MGAT4C: variants seen among roughly 807,000 people sequenced by gnomAD.
MGAT4C encodes the protein alpha-1,3-mannosyl-glycoprotein 4-beta-N-acetylglucosaminyltransferase C.
MGAT4C carries 19 observed loss-of-function variants against 40.1 expected under a neutral mutation model. That is an observed-to-expected ratio of 0.47 (90% CI 0.33 to 0.70). The LOEUF is 0.70. MGAT4C is among the 30% of genes least tolerant of loss of function. MGAT4C has a pLI of 0.02. For synonymous variants in MGAT4C, 181 were observed against 187.1 expected (o/e 0.97, Z 0.27); for missense variants, 491 against 563.2 (o/e 0.87, Z 1.30).
chr12:86,458,016 T>A (rs1300525303), intron 2 of MGAT4C, among the ~76,000 whole-genome samples: 1 of 152,034 alleles, frequency 6.6e-6, no homozygotes, highest in Non-Finnish European at 1.5e-5. Context: ...AATTAAAACT[T>A]TTTTGTCAAT....
chr12:86,022,527 C>T (rs1334064145), intron 2 of MGAT4C: 5 of 152,054 alleles, frequency 3.3e-5, no homozygotes, highest in East Asian at 1.9e-4. Context: ...GCCTGGGCAA[C>T]GTAGTGAGAA....
chr12:86,004,621 C>A (rs1003238493), intron 2 of MGAT4C, among the ~76,000 whole-genome samples: 5 of 151,898 alleles, frequency 3.3e-5, no homozygotes, highest in African/African-American at 1.2e-4. Flanking sequence ...AATTTCTAAC[C>A]CAAGAGCAAG....
In MGAT4C at chr12:85,964,319, C is replaced by G. The variant is rs530761688; in HGVS notation, c.*14970G>C. 1 of 151,994 alleles carries G rather than the reference C, an allele frequency of 6.6e-6. No individual in the cohort carries two copies. The highest frequency in any genetic ancestry group is 2.1e-4 in the South Asian group (1 of 4,814). 9.4% of individuals were successfully genotyped at this position (151,994 alleles called of 1,614,324 possible). A position where few individuals can be genotyped will look rare whatever the true frequency, so the allele number is the denominator to read the frequency against. The stretch of plus-strand genomic sequence containing the variant: ...TTCTTTATTTTGCAAAAATGTAAGA[C>G]AAATGTATAGGATATTTTTCTCTGT... On this transcript the variant is annotated 3_prime_UTR_variant, in exon 5 of 5. Coordinates refer to ENST00000611864, the MANE Select transcript of MGAT4C (RefSeq NM_001351288.2).
At chr12:86,564,482 T>C (rs1406950329) in intron 2 of MGAT4C, among the ~76,000 whole-genome samples, 5 of 152,164 alleles carry the variant, frequency 3.3e-5, no homozygotes, top group Non-Finnish European at 5.9e-5. Flanking sequence ...GTCCATTACA[T>C]TGATGGCATT....
chr12:86,164,617 T>C (rs530480356), intron 1 of MGAT4C, among the ~76,000 whole-genome samples: 1 of 152,312 alleles, frequency 6.6e-6, no homozygotes, highest in African/African-American at 2.4e-5. Flanking sequence ...GGATGGTTTC[T>C]CTGAATAAGT....
intron 1 of MGAT4C, among the ~76,000 whole-genome samples, chr12:86,213,942 A>C (rs554116414): frequency 1.3e-5 from 2 of 152,334 alleles, no homozygotes; most frequent in East Asian, 3.9e-4. Flanking sequence ...TATGCCCATA[A>C]GACTTATTCC....
At chr12:86,819,179 A>G (rs569130526) in intron 1 of MGAT4C, among the ~76,000 whole-genome samples, 3 of 151,142 alleles carry the variant, frequency 2.0e-5, no homozygotes, top group South Asian at 2.1e-4. Context: ...GAAAGAAGTC[A>G]ATTATTATAT....
chr12:86,781,712 T>C (rs1459164851), intron 1 of MGAT4C, among the ~76,000 whole-genome samples: 1 of 152,164 alleles, frequency 6.6e-6, no homozygotes, highest in African/African-American at 2.4e-5. Context: ...AATCTCAATA[T>C]TCAGCATTTT....
chr12:86,513,016 G>C (rs1410529907), intron 2 of MGAT4C, among the ~76,000 whole-genome samples: 2 of 152,066 alleles, frequency 1.3e-5, no homozygotes, highest in Non-Finnish European at 2.9e-5. Context: ...GCCACATAAT[G>C]CTACACACTA....
In MGAT4C at chr12:86,767,199, C is replaced by T. The variant is rs550803862; in HGVS notation, c.-261-39958G>A. Among the ~76,000 whole-genome samples, 24 of 152,276 alleles carry T rather than the reference C, an allele frequency of 1.6e-4. No homozygotes were observed. The South Asian group carries it at 2.7e-3, about 17-fold the overall frequency. ...AAAGGGGTTATCACCACTGATCCCA[C>T]AGAAATACAAACTACCATCAGAGAA... On this transcript the variant is annotated intron_variant, in intron 1 of 7. Coordinates refer to the MGAT4C transcript ENST00000548651.
At chr12:86,680,739 T>C (rs932422338) in intron 2 of MGAT4C, among the ~76,000 whole-genome samples, 3 of 152,034 alleles carry the variant, frequency 2.0e-5, no homozygotes, top group African/African-American at 7.2e-5. Context: ...GGTAAATCCA[T>C]AACCATGCAC....
intron 2 of MGAT4C, among the ~76,000 whole-genome samples, chr12:86,452,569 C>A (rs534715456): frequency 6.6e-6 from 1 of 152,066 alleles, no homozygotes; most frequent in East Asian, 1.9e-4. Context: ...AAGTAAATTA[C>A]ACATGAAATA....
chr12:86,301,258 A>G (rs1038433860), intron 4 of MGAT4C, among the ~76,000 whole-genome samples: 2 of 152,206 alleles, frequency 1.3e-5, no homozygotes, highest in African/African-American at 2.4e-5. Flanking sequence ...TTTCATAGAT[A>G]AGAATCATTT....
In MGAT4C at chr12:86,819,972, T is replaced by C. The variant is rs140526227; in HGVS notation, c.-262+18694A>G. Among the ~76,000 whole-genome samples the C allele has an allele frequency of 6.6e-5, 10 of 150,904 alleles. 1 individual carries two copies. The highest frequency in any genetic ancestry group is 2.4e-4 in the African/African-American group (10 of 41,454). On this transcript the variant is annotated intron_variant, in intron 1 of 7. Coordinates refer to the MGAT4C transcript ENST00000548651. Reference sequence around the variant, plus strand: ...AACAAAAAACATTATTTAAGCATGATCCTTTGTTGTGAAGATTAGGCTATA... The same window carrying C: ...AACAAAAAACATTATTTAAGCATGACCCTTTGTTGTGAAGATTAGGCTATA...
chr12:86,394,519 T>C (rs1956214729), intron 3 of MGAT4C, among the ~76,000 whole-genome samples: 1 of 145,804 alleles, frequency 6.9e-6, no homozygotes, highest in Non-Finnish European at 1.5e-5. Context: ...AATATTTATA[T>C]ATTTATATAT....
chr12:86,086,863 T>C (rs1465665685), intron 1 of MGAT4C, among the ~76,000 whole-genome samples: 3 of 152,002 alleles, frequency 2.0e-5, no homozygotes, highest in Admixed American at 1.3e-4. Flanking sequence ...CATTCTTCTC[T>C]ATATTTCCCT....
chr12:86,044,111 T>C (rs1019670327), intron 2 of MGAT4C, among the ~76,000 whole-genome samples: 1 of 152,246 alleles, frequency 6.6e-6, no homozygotes, highest in African/African-American at 2.4e-5. Context: ...TTCAGTTGAC[T>C]GGATTTCTTT....
intron 1 of MGAT4C, among the ~76,000 whole-genome samples, chr12:86,739,093 T>C (rs1428267468): frequency 2.6e-5 from 3 of 116,880 alleles, no homozygotes; most frequent in Middle Eastern, 9.3e-3. Context: ...CTCCTTAAGA[T>C]GGGTAAAGCA....
chr12:86,579,597 A>T (rs924762183), intron 2 of MGAT4C, among the ~76,000 whole-genome samples: 1 of 151,584 alleles, frequency 6.6e-6, no homozygotes, highest in Non-Finnish European at 1.5e-5. Context: ...CACCATAGTT[A>T]CAATGTTGTA....
Sources: gnomAD v4.1 joint callset for allele counts (sites outside exome capture counted in the v4.1 genomes callset) on GRCh38, gnomAD v4.1.1 for gene constraint, MANE v1.5 for transcripts, NCBI Gene and HGNC (gene_info 2026-07-23, HGNC 2026-07-21) for gene names.